IQCH: variants seen among roughly 807,000 people sequenced by gnomAD.
IQCH encodes IQ domain-containing protein H.
Under a neutral mutation model 117.0 loss-of-function variants are expected in IQCH, and 98 were observed. The ratio of observed to expected loss-of-function variants is 0.84; its 90% CI spans 0.71 to 0.99. The LOEUF is 0.99. Among genes scored for constraint, IQCH ranks in the 50% least tolerant of loss-of-function variants. The pLI is 0.00. For synonymous variants in IQCH, 412 were observed against 448.2 expected, an observed-to-expected ratio of 0.92 and a Z score of 1.02; for missense variants, 1,102 against 1,243.8, an observed-to-expected ratio of 0.89 and a Z score of 1.72.
At position 67,481,809 on chromosome 15, in the gene IQCH, G is replaced by A. The variant is rs932514221; in HGVS notation, c.2799+5991G>A. On this transcript the variant is annotated intron_variant, in intron 18 of 20. Coordinates refer to ENST00000335894, the MANE Select transcript of IQCH (RefSeq NM_001031715.3). This position sits in a 1 kb window ranked among gnomAD's most constrained non-coding sequence, Gnocchi z 4.1. Reference sequence around the variant, plus strand: ...ATCAAACAGATTAGAAACCAACTAAGTTCTTGAAAGAACTCAACATCAAGA... The same window carrying A: ...ATCAAACAGATTAGAAACCAACTAAATTCTTGAAAGAACTCAACATCAAGA... Among the ~76,000 whole-genome samples the A allele has an allele frequency of 1.3e-5, 2 of 152,212 alleles. No individual in the cohort carries two copies. The highest frequency in any genetic ancestry group is 2.4e-5 in the African/African-American group (1 of 41,454).
At chr15:67,352,074 AGATT>A (rs1460322927) in intron 6 of IQCH, among the ~76,000 whole-genome samples, 1 of 152,042 alleles carries the variant, frequency 6.6e-6, no homozygotes, top group Non-Finnish European at 1.5e-5. Context: ...TCTTTTGAAT[AGATT>A]ATTTTTCCTC....
At chr15:67,398,618 G>C (rs1217747435) in intron 13 of IQCH, among the ~76,000 whole-genome samples, 6 of 151,984 alleles carry the variant, frequency 3.9e-5, no homozygotes, top group Non-Finnish European at 7.4e-5. Flanking sequence ...AGATTTGCTG[G>C]ACAGATACAA....
chr15:67,285,340 G>A (rs149187574), intron 4 of IQCH, among the ~76,000 whole-genome samples: 7 of 150,556 alleles, frequency 4.6e-5, no homozygotes, highest in African/African-American at 1.7e-4. Flanking sequence ...CCTTACAGAT[G>A]CATCCTTTGT....
chr15:67,358,111 G>A (rs183228011), intron 7 of IQCH, among the ~76,000 whole-genome samples: 157 of 147,674 alleles, frequency 1.1e-3, no homozygotes, highest in African/African-American at 3.5e-3. Context: ...CACCTGCCTC[G>A]GCCTCCCAAA....
chr15:67,323,866 T>A (rs1968263619), intron 4 of IQCH, among the ~76,000 whole-genome samples: 1 of 151,962 alleles, frequency 6.6e-6, no homozygotes, highest in Admixed American at 6.5e-5. Context: ...TTATCTTTTA[T>A]ATTTGCCATA....
chr15:67,267,914 A>G (rs946304662), intron 3 of IQCH, among the ~76,000 whole-genome samples: 7 of 152,230 alleles, frequency 4.6e-5, no homozygotes, highest in African/African-American at 1.7e-4. Context: ...GATCTTCATC[A>G]TCATCATTAA....
At chr15:67,357,319 G>A (rs1487687339) in intron 6 of IQCH, 26 bp from the exon 7 acceptor site, 7 of 1,513,842 alleles carry the variant, frequency 4.6e-6, no homozygotes, top group Non-Finnish European at 6.4e-6. Context: ...TCTGGAAAAG[G>A]TAACATGTAC....
At position 67,335,996 on chromosome 15, in the gene IQCH, T is replaced by G. The variant is rs867908641; in HGVS notation, c.388-979T>G. Among the ~76,000 whole-genome samples, 3 of 152,248 alleles carry G rather than the reference T, an allele frequency of 2.0e-5. 1 individual carries two copies. In the South Asian group the frequency reaches 6.2e-4, roughly 32 times the overall value. The stretch of plus-strand genomic sequence containing the variant: ...CTTTTTCCTTAAAGTCACTATGACC[T>G]TAATGGCAATAAGGTATTGTGCAAC... On this transcript the variant is annotated intron_variant, in intron 4 of 20. Transcript: ENST00000335894.
chr15:67,351,902 TA>T (rs903027953), intron 6 of IQCH, among the ~76,000 whole-genome samples: 14 of 151,540 alleles, frequency 9.2e-5, no homozygotes, highest in East Asian at 3.9e-4. Flanking sequence ...TAGCTGAATT[TA>T]AAAAAAAATC....
At chr15:67,452,611 C>T (rs1357052101) in intron 16 of IQCH, among the ~76,000 whole-genome samples, 1 of 152,220 alleles carries the variant, frequency 6.6e-6, no homozygotes, top group African/African-American at 2.4e-5. Context: ...GTCTGATGGG[C>T]TTCCCTTTGT....
chr15:67,382,448 A>G (rs1970964737), intron 10 of IQCH, among the ~76,000 whole-genome samples: 1 of 152,188 alleles, frequency 6.6e-6, no homozygotes, highest in African/African-American at 2.4e-5. Flanking sequence ...CTCCTTTGTC[A>G]TGTAACCCAA....
At chr15:67,328,299 A>G (rs1475295678) in intron 4 of IQCH, among the ~76,000 whole-genome samples, 2 of 152,174 alleles carry the variant, frequency 1.3e-5, no homozygotes, top group African/African-American at 2.4e-5. Context: ...ATTTGCTACT[A>G]ATATGTTCAT....
At position 67,364,538 on chromosome 15, in the gene IQCH, A is replaced by AG; in HGVS notation, c.753+4653_753+4654insG. Among the ~76,000 whole-genome samples, 1 of 152,252 alleles carries AG rather than the reference A, an allele frequency of 6.6e-6. No homozygotes were observed. The highest frequency in any genetic ancestry group is 1.5e-5 in the Non-Finnish European group (1 of 68,008). ...AACATTTTTATTACATGTGATTAAT[A>AG]ATTTTGCTTATATACAACAGAAAAA... On this transcript the variant is annotated intron_variant, in intron 8 of 20. Transcript: ENST00000335894. This position sits in a 1 kb window ranked among gnomAD's most constrained non-coding sequence, Gnocchi z 4.1.
At chr15:67,484,215 G>A (rs934385629) in intron 18 of IQCH, among the ~76,000 whole-genome samples, 1 of 152,020 alleles carries the variant, frequency 6.6e-6, no homozygotes, top group Non-Finnish European at 1.5e-5. Flanking sequence ...AGACCAGCCC[G>A]GGCAACATGG....
Position 67,466,711 on chromosome 15 carries a change from C to T in IQCH, c.2676+1414C>T, listed in dbSNP as rs1433218977. ...TCACAAGAATCCCCTTGATCTCTTT[C>T]CTTAGTAAGAAGAGAAGCAGAGTTG... On this transcript the variant is annotated intron_variant, in intron 17 of 20. Transcript: ENST00000335894. This position sits in a 1 kb window ranked among gnomAD's most constrained non-coding sequence, Gnocchi z 4.4. 1 of 152,226 alleles carries T rather than the reference C, an allele frequency of 6.6e-6. No homozygotes were observed. The highest frequency in any genetic ancestry group is 1.5e-5 in the Non-Finnish European group (1 of 68,096). 9.4% of individuals were successfully genotyped at this position (152,226 alleles called of 1,614,324 possible). A position where few individuals can be genotyped will look rare whatever the true frequency, so the allele number is the denominator to read the frequency against.
intron 4 of IQCH, among the ~76,000 whole-genome samples, chr15:67,292,149 G>A (rs565943824): frequency 1.7e-3 from 261 of 152,244 alleles, no homozygotes; most frequent in African/African-American, 5.9e-3. Flanking sequence ...TCTATGAACT[G>A]GGAAGCAGGC....
chr15:67,306,439 T>C (rs561553437), intron 4 of IQCH, among the ~76,000 whole-genome samples: 1 of 152,256 alleles, frequency 6.6e-6, no homozygotes, highest in Admixed American at 6.5e-5. Flanking sequence ...CCGAGGGCCA[T>C]GTGTTTCGTT....
chr15:67,489,138 A>AT (rs1446356719), intron 18 of IQCH, among the ~76,000 whole-genome samples: 1 of 149,372 alleles, frequency 6.7e-6, no homozygotes, highest in African/African-American at 2.5e-5. Context: ...GGTTCACGCC[A>AT]TTTTCCTGCC....
Position 67,466,331 on chromosome 15 carries a change from C to T in IQCH, c.2676+1034C>T, listed in dbSNP as rs989732786. Reference sequence around the variant, plus strand: ...GAGTGTATTGGGGACTCTCTGGCCACGGTGCTCTCACAGCTGCCAGAGGGT... The same window carrying T: ...GAGTGTATTGGGGACTCTCTGGCCATGGTGCTCTCACAGCTGCCAGAGGGT... On this transcript the variant is annotated intron_variant, in intron 17 of 20. Coordinates refer to ENST00000335894, the MANE Select transcript of IQCH (RefSeq NM_001031715.3). The surrounding 1 kb of genome is among the most constrained non-coding windows in gnomAD (Gnocchi z 4.4). Among the ~76,000 whole-genome samples the T allele has an allele frequency of 2.6e-5, 4 of 152,206 alleles. No homozygotes were observed. Among genetic ancestry groups the T allele is most frequent in the African/African-American group, 4.8e-5 (2 of 41,458 alleles).
Sources: allele counts gnomAD v4.1 joint callset (sites outside exome capture counted in the v4.1 genomes callset), GRCh38; gene constraint gnomAD v4.1.1; non-coding constraint Gnocchi (gnomAD v3.1); transcripts MANE v1.5; gene names NCBI Gene and HGNC (gene_info 2026-07-23, HGNC 2026-07-21).